The following MAGI3 variants were observed in gnomAD, a reference collection of about 807,000 sequenced individuals.
MAGI3 encodes the protein membrane associated guanylate kinase, WW and PDZ domain containing 3, also known as membrane-associated guanylate kinase, WW and PDZ domain-containing protein 3.
Under a neutral mutation model 121.8 loss-of-function variants are expected in MAGI3, and 43 were observed. The ratio of observed to expected loss-of-function variants is 0.35; its 90% CI spans 0.28 to 0.46. MAGI3 has a LOEUF of 0.46. Among genes scored for constraint, MAGI3 ranks in the 20% least tolerant of loss-of-function variants. MAGI3 has a pLI of 1.00. For missense variants in MAGI3, 1,547 were observed against 1,797.3 expected (o/e 0.86, Z 2.52); for synonymous variants, 553 against 639.3 (o/e 0.86, Z 2.04).
chr1:113,674,087 A>T (rs17359378), intron 19 of MAGI3, among the ~76,000 whole-genome samples: 15,687 of 152,206 alleles, frequency 0.1, 1,034 homozygotes, highest in East Asian at 0.19. Context: ...ATTAAAGAGG[A>T]ATCTTATATA....
intron 18 of MAGI3, 71 bp downstream of exon 18, chr1:113,672,812 A>G (rs1384215505): frequency 1.3e-6 from 2 of 1,517,242 alleles, no homozygotes; most frequent in Non-Finnish European, 1.8e-6. Context: ...GTGAATTTTT[A>G]TTGCAAATCA....
chr1:113,418,229 G>A (rs1231279428), intron 1 of MAGI3, among the ~76,000 whole-genome samples: 1 of 152,070 alleles, frequency 6.6e-6, no homozygotes, highest in Non-Finnish European at 1.5e-5. Context: ...TATTTAAAAG[G>A]TTTTAGTGTC....
intron 18 of MAGI3, among the ~76,000 whole-genome samples, 169 bp downstream of exon 18, chr1:113,672,910 G>A (rs1334068572): frequency 6.6e-6 from 1 of 152,230 alleles, no homozygotes; most frequent in Non-Finnish European, 1.5e-5. Flanking sequence ...GAGAATGTTA[G>A]GAGTGAAAGA....
At chr1:113,578,449 G>A (rs771089279) in intron 2 of MAGI3, among the ~76,000 whole-genome samples, 8 of 151,396 alleles carry the variant, frequency 5.3e-5, no homozygotes, top group African/African-American at 1.7e-4. Flanking sequence ...TCACTCTGTC[G>A]TCAAGGCTGG....
At chr1:113,479,826 C>T (rs1265629708) in intron 1 of MAGI3, among the ~76,000 whole-genome samples, 1 of 151,996 alleles carries the variant, frequency 6.6e-6, no homozygotes, top group Non-Finnish European at 1.5e-5. Flanking sequence ...TTAAATGAAC[C>T]ATCTTACAGC....
chr1:113,452,284 T>A (rs1342809755), intron 1 of MAGI3, among the ~76,000 whole-genome samples: 1 of 152,144 alleles, frequency 6.6e-6, no homozygotes, highest in African/African-American at 2.4e-5. Flanking sequence ...CATTCATTTA[T>A]TTTTGGAGTT....
chr1:113,573,215 GCACC>G (rs1174520876), intron 2 of MAGI3, among the ~76,000 whole-genome samples: 3 of 152,208 alleles, frequency 2.0e-5, no homozygotes, highest in African/African-American at 7.2e-5. Flanking sequence ...GTGAGCCATT[GCACC>G]CAGCCCTGTT....
At chr1:113,532,807 A>G (rs538233929) in intron 1 of MAGI3, among the ~76,000 whole-genome samples, 2 of 152,326 alleles carry the variant, frequency 1.3e-5, no homozygotes, top group African/African-American at 4.8e-5. Context: ...CTGTCTCATC[A>G]TGTCAAAAAC....
chr1:113,480,624 T>C (rs1032971294), intron 1 of MAGI3, among the ~76,000 whole-genome samples: 5 of 152,242 alleles, frequency 3.3e-5, no homozygotes, highest in Admixed American at 3.3e-4. Flanking sequence ...CTTTACACTG[T>C]GCTGTGCAGG....
chr1:113,422,375 C>T lies in MAGI3; in HGVS notation c.316+31026C>T, dbSNP rs74904602. Among the ~76,000 whole-genome samples the T allele has an allele frequency of 7.8e-3, 1,193 of 152,332 alleles. 17 individuals are homozygous for T. Among genetic ancestry groups the T allele is most frequent in the Middle Eastern group, 0.051 (15 of 294 alleles). ...GCCGGAAACTTCTGTGCCGGTGGCA[C>T]CTCTACTTGAGTTTTGCTCGCACCT... On this transcript the variant is annotated intron_variant, in intron 1 of 20. Coordinates refer to ENST00000307546, the MANE Select transcript of MAGI3 (RefSeq NM_001142782.2). The surrounding 1 kb of genome is among the most constrained non-coding windows in gnomAD (Gnocchi z 4.3).
At chr1:113,431,321 C>A (rs2101420319) in intron 1 of MAGI3, among the ~76,000 whole-genome samples, 1 of 152,100 alleles carries the variant, frequency 6.6e-6, no homozygotes, top group Admixed American at 6.5e-5. Context: ...TTCACTATTT[C>A]TATTTTATAT....
intron 1 of MAGI3, among the ~76,000 whole-genome samples, chr1:113,411,264 A>G (rs536179758): frequency 2.0e-5 from 3 of 152,292 alleles, no homozygotes; most frequent in African/African-American, 7.2e-5. Context: ...CTATTTGGAT[A>G]CACTGACCTT....
chr1:113,648,987 A>T (rs965058014), intron 12 of MAGI3, among the ~76,000 whole-genome samples: 3 of 152,188 alleles, frequency 2.0e-5, no homozygotes, highest in African/African-American at 7.2e-5. Flanking sequence ...GCAGTGTAAT[A>T]CTGAGTATAT....
intron 1 of MAGI3, among the ~76,000 whole-genome samples, chr1:113,439,934 G>C (rs532817195): frequency 2.7e-5 from 4 of 150,774 alleles, no homozygotes; most frequent in South Asian, 2.1e-4. Flanking sequence ...TCATTTTACT[G>C]TGCTGTTTCT....
intron 20 of MAGI3, 63 bp downstream of exon 20, chr1:113,681,399 G>T: frequency 6.5e-7 from 1 of 1,534,394 alleles, no homozygotes; most frequent in Non-Finnish European, 8.8e-7. Context: ...AGAAGAAAAA[G>T]GAATATATAT....
chr1:113,477,811 C>G lies in MAGI3; in HGVS notation c.317-71704C>G, dbSNP rs143865043. ...TGGGGAAGTTCTCCTGGATAATATCCTGAAGAGTGTTTGCCAACTTAGTTC... is the reference window on the plus strand; with the variant it reads ...TGGGGAAGTTCTCCTGGATAATATCGTGAAGAGTGTTTGCCAACTTAGTTC... On this transcript the variant is annotated intron_variant, in intron 1 of 20. Transcript: ENST00000307546. Among the ~76,000 whole-genome samples, 951 of 152,296 alleles carry G rather than the reference C, an allele frequency of 6.2e-3. 7 individuals are homozygous for G. Among genetic ancestry groups the G allele is most frequent in the Non-Finnish European group, 9.7e-3 (657 of 68,020 alleles).
chr1:113,512,242 C>T (rs1657650510), intron 1 of MAGI3, among the ~76,000 whole-genome samples: 1 of 152,158 alleles, frequency 6.6e-6, no homozygotes, highest in Non-Finnish European at 1.5e-5. Context: ...CAAAGTCATA[C>T]AAAGACTGAT....
chr1:113,649,711 T>TTATGGAG (rs1653051479), intron 13 of MAGI3, among the ~76,000 whole-genome samples: 1 of 152,234 alleles, frequency 6.6e-6, no homozygotes, highest in African/African-American at 2.4e-5. Context: ...TTCTGGATGC[T>TTATGGAG]CCATAAATGG....
At position 113,653,923 on chromosome 1, in the gene MAGI3, C is replaced by T. The variant is rs1375296697; in HGVS notation, c.2534C>T (p.Ala845Val). 1 of 1,614,068 alleles carries T rather than the reference C, an allele frequency of 6.2e-7. No homozygotes were observed. The highest frequency in any genetic ancestry group is 2.2e-5 in the East Asian group (1 of 44,874). ...LNRAEVPARPAPQEPYDVVLQ... is the reference protein window; with the variant it reads ...LNRAEVPARPVPQEPYDVVLQ... ...CGGGCAGAGGTCCCAGCCAGGCCTG[C>T]ACCCCAGGAGCCCTATGATGTTGTC... The change falls in exon 15 of 21, where the codon GCA becomes GTA. Residue 845 changes from alanine (A) to valine (V), a missense_variant. Ala to Val is a moderately conservative substitution (Grantham distance 64). Transcript: ENST00000307546.
Sources: allele counts gnomAD v4.1 joint callset (sites outside exome capture counted in the v4.1 genomes callset), GRCh38; gene constraint gnomAD v4.1.1; non-coding constraint Gnocchi (gnomAD v3.1); transcripts MANE v1.5; gene names NCBI Gene and HGNC (gene_info 2026-07-23, HGNC 2026-07-21).